FSTL4: variants seen among roughly 807,000 people sequenced by gnomAD.
The protein encoded by FSTL4 is follistatin like 4, also known as follistatin-related protein 4.
Under a neutral mutation model 78.2 loss-of-function variants are expected in FSTL4, and 28 were observed. The observed-to-expected ratio is 0.36, with a 90% CI of 0.27 to 0.49. FSTL4 has a LOEUF of 0.49. Ranked by LOEUF, FSTL4 falls within the 20% of genes least tolerant of loss-of-function variation. The pLI, the probability that FSTL4 is intolerant of heterozygous loss-of-function variation, is 0.98. For synonymous variants in FSTL4, 422 were observed against 440.5 expected (o/e 0.96, Z 0.53); for missense variants, 922 against 1,084.9 (o/e 0.85, Z 2.11).
intron 4 of FSTL4, among the ~76,000 whole-genome samples, chr5:133,385,395 T>C (rs1352186636): frequency 6.6e-6 from 1 of 152,216 alleles, no homozygotes; most frequent in African/African-American, 2.4e-5. Flanking sequence ...TTAGAGCACA[T>C]GCCGGTACCA....
chr5:133,645,786 T>C, the FSTL4 span, among the ~76,000 whole-genome samples: 4 of 152,068 alleles, frequency 2.6e-5, no homozygotes, highest in African/African-American at 7.2e-5. Context: ...ATTGGAGTTA[T>C]GCAACCCATC....
the FSTL4 span, among the ~76,000 whole-genome samples, chr5:133,765,014 G>A: frequency 6.6e-5 from 10 of 152,330 alleles, no homozygotes; most frequent in East Asian, 3.9e-4. Context: ...GCTTTATGCC[G>A]TCCCTATGCT....
intron 2 of FSTL4, among the ~76,000 whole-genome samples, chr5:133,589,386 A>G (rs1760575326): frequency 6.6e-6 from 1 of 151,972 alleles, no homozygotes; most frequent in South Asian, 2.1e-4. Flanking sequence ...TCTTAAAAGC[A>G]GAAACAGAGA....
chr5:133,287,159 C>T (rs1834947), intron 6 of FSTL4, among the ~76,000 whole-genome samples: 25,736 of 152,006 alleles, frequency 0.17, 2,531 homozygotes, highest in African/African-American at 0.26. Flanking sequence ...GAGGCTGAGG[C>T]GGGTGGATCA....
At chr5:133,745,810 G>A in the FSTL4 span, among the ~76,000 whole-genome samples, 159 of 152,326 alleles carry the variant, frequency 1.0e-3, no homozygotes, top group African/African-American at 3.7e-3. Flanking sequence ...AGGTTAGATC[G>A]ATTCCAGAAC....
intron 3 of FSTL4, among the ~76,000 whole-genome samples, chr5:133,423,028 C>T (rs1007161672): frequency 1.3e-5 from 2 of 152,242 alleles, no homozygotes; most frequent in African/African-American, 4.8e-5. Context: ...CAGGTCAGTG[C>T]TGTGCAGGCT....
intron 3 of FSTL4, among the ~76,000 whole-genome samples, chr5:133,441,211 G>A (rs1757153340): frequency 6.6e-6 from 1 of 152,136 alleles, no homozygotes. Context: ...CCTGGGAGAT[G>A]GGGCAGGATG....
chr5:133,435,890 GCTTT>G (rs1198730816), intron 3 of FSTL4, among the ~76,000 whole-genome samples: 7 of 152,152 alleles, frequency 4.6e-5, no homozygotes, highest in Non-Finnish European at 8.8e-5. Context: ...TGCTACCCTT[GCTTT>G]CTGTTTTTGT....
the FSTL4 span, among the ~76,000 whole-genome samples, chr5:133,620,050 TTGTC>T: frequency 1.9e-3 from 297 of 152,318 alleles, 2 homozygotes; most frequent in African/African-American, 6.1e-3. Context: ...TAAAGCATCA[TTGTC>T]TGACGCATAT....
At chr5:133,313,743 CAAGT>C (rs1397407142) in intron 5 of FSTL4, among the ~76,000 whole-genome samples, 1 of 152,114 alleles carries the variant, frequency 6.6e-6, no homozygotes, top group Non-Finnish European at 1.5e-5. Flanking sequence ...CTTCACCAAG[CAAGT>C]AAGAGTGTTC....
At chr5:133,639,308 CGTAGACTCATAT>C in the FSTL4 span, among the ~76,000 whole-genome samples, 463 of 152,278 alleles carry the variant, frequency 3.0e-3, 1 homozygote, top group South Asian at 0.022. Context: ...GTCCTCAATA[CGTAGACTCATAT>C]GTGGCAGTAG....
intron 2 of FSTL4, among the ~76,000 whole-genome samples, chr5:133,591,724 C>A (rs767863449): frequency 6.6e-6 from 1 of 152,064 alleles, no homozygotes; most frequent in Non-Finnish European, 1.5e-5. Flanking sequence ...AAGGGCTACA[C>A]TCAGAGCTCT....
chr5:133,436,883 A>T (rs967538292), intron 3 of FSTL4, among the ~76,000 whole-genome samples: 3 of 152,232 alleles, frequency 2.0e-5, no homozygotes, highest in Non-Finnish European at 4.4e-5. Context: ...GGATGTGATT[A>T]TGAGAGTCTT....
chr5:133,724,976 T>C, the FSTL4 span, among the ~76,000 whole-genome samples: 1 of 152,222 alleles, frequency 6.6e-6, no homozygotes, highest in East Asian at 1.9e-4. Flanking sequence ...AAGACTAACC[T>C]TTCTCCATCA....
the FSTL4 span, among the ~76,000 whole-genome samples, chr5:133,803,575 G>C: frequency 6.6e-6 from 1 of 152,136 alleles, no homozygotes; most frequent in East Asian, 1.9e-4. Flanking sequence ...AAAGTCCTCT[G>C]CAAACCCACT....
At chr5:133,784,313 G>T in the FSTL4 span, among the ~76,000 whole-genome samples, 1 of 152,140 alleles carries the variant, frequency 6.6e-6, no homozygotes, top group Non-Finnish European at 1.5e-5. Flanking sequence ...CACATATTAA[G>T]TCTATTTTAT....
chr5:133,764,880 T>C, the FSTL4 span, among the ~76,000 whole-genome samples: 1 of 151,986 alleles, frequency 6.6e-6, no homozygotes, highest in Non-Finnish European at 1.5e-5. Context: ...AAATATGCAT[T>C]CTGGAATGTG....
At chr5:133,602,386 T>C (rs1020474460) in intron 2 of FSTL4, among the ~76,000 whole-genome samples, 3 of 152,220 alleles carry the variant, frequency 2.0e-5, no homozygotes, top group African/African-American at 4.8e-5. Flanking sequence ...TGGGTTGATA[T>C]TAACTTACCT....
rs369468022 is a variant in FSTL4 at position 133,338,534 on chromosome 5, G to A, written c.410-21882C>T. Among the ~76,000 whole-genome samples the A allele has an allele frequency of 6.6e-5, 10 of 152,052 alleles. No individual in the cohort carries two copies. The East Asian group carries it at 1.7e-3, about 26-fold the overall frequency. On this transcript the variant is annotated intron_variant, in intron 4 of 15. Coordinates refer to ENST00000265342, the MANE Select transcript of FSTL4 (RefSeq NM_015082.2). This position sits in a 1 kb window ranked among gnomAD's most constrained non-coding sequence, Gnocchi z 4.0. ...TCCCTCTGCTCCCCCATGGATACTC[G>A]GTTCCCTCAATCGAGGCTGGTGCAG...
Sources: gnomAD v4.1 joint callset for allele counts (sites outside exome capture counted in the v4.1 genomes callset) on GRCh38, gnomAD v4.1.1 for gene constraint, Gnocchi (gnomAD v3.1) non-coding constraint, MANE v1.5 for transcripts, NCBI Gene and HGNC (gene_info 2026-07-23, HGNC 2026-07-21) for gene names.